The following GDA variants were observed in gnomAD, a reference collection of about 807,000 sequenced individuals.
GDA encodes the protein cytoplasmic PSD-95 interactor.
Under a neutral mutation model 59.6 loss-of-function variants are expected in GDA, and 18 were observed. That is an observed-to-expected ratio of 0.30 (90% CI 0.21 to 0.45). The LOEUF (loss-of-function observed/expected upper bound fraction) is 0.45, where lower values mean the gene tolerates loss of function less well. Ranked by LOEUF, GDA falls within the 20% of genes least tolerant of loss-of-function variation. The pLI, the probability that GDA is intolerant of heterozygous loss-of-function variation, is 1.00. For synonymous variants in GDA, 201 were observed against 201.1 expected (o/e 1.00, Z 0.00); for missense variants, 427 against 552.3 (o/e 0.77, Z 2.27).
intron 4 of GDA, among the ~76,000 whole-genome samples, chr9:72,211,212 T>C (rs1205381193): frequency 1.3e-5 from 2 of 152,216 alleles, no homozygotes; most frequent in Non-Finnish European, 2.9e-5. Flanking sequence ...AAATAGTCTC[T>C]GCCCTTGAGA....
intron 1 of GDA, chr9:72,194,107 C>G (rs10781082): frequency 0.22 from 33,587 of 152,120 alleles, 4,391 homozygotes; most frequent in East Asian, 0.55. Flanking sequence ...CTGGGGACTC[C>G]AGGAGCCTGC....
chr9:72,119,108 A>T (rs1039700636), intron 1 of GDA, among the ~76,000 whole-genome samples: 2 of 152,248 alleles, frequency 1.3e-5, no homozygotes, highest in African/African-American at 4.8e-5. Flanking sequence ...GCCAAAAATT[A>T]TCTATAAAGA....
At chr9:72,138,753 T>A (rs1826336828) in intron 1 of GDA, among the ~76,000 whole-genome samples, 1 of 152,204 alleles carries the variant, frequency 6.6e-6, no homozygotes, top group Non-Finnish European at 1.5e-5. Context: ...CATGACTTTT[T>A]AAAATCTTTC....
intron 10 of GDA, among the ~76,000 whole-genome samples, chr9:72,233,087 T>C (rs1272289200): frequency 6.6e-6 from 1 of 152,178 alleles, no homozygotes; most frequent in East Asian, 1.9e-4. Flanking sequence ...CACCCTCTAC[T>C]CTACTATTTC....
At chr9:72,221,180 C>T (rs565903920) in intron 6 of GDA, among the ~76,000 whole-genome samples, 3 of 152,304 alleles carry the variant, frequency 2.0e-5, no homozygotes, top group Non-Finnish European at 2.9e-5. Context: ...CTCAGGAAGG[C>T]TGTAACCAGC....
Position 72,198,862 on chromosome 9 carries a change from A to ATATATATATATATATATATATATAT in GDA, c.212+3274_212+3275insTATATATATATATATATATATATAT, listed in dbSNP as rs1564025002. Among the ~76,000 whole-genome samples the ATATATATATATATATATATATATAT allele has an allele frequency of 1.1e-3, 103 of 91,758 alleles. 2 individuals carry two copies. The highest frequency in any genetic ancestry group is 3.8e-3 in the African/African-American group (98 of 25,768). The allele number at this position is 91,758 out of a possible 152,430, so 60.2% of individuals were successfully genotyped here. ...ATATAGGGGGATATATATATATATA[A>ATATATATATATATATATATATATAT]AATTTTTTTTGCTCAGGTTATGATA... On this transcript the variant is annotated intron_variant, in intron 2 of 13. Coordinates refer to ENST00000358399, the MANE Select transcript of GDA (RefSeq NM_004293.5).
intron 1 of GDA, among the ~76,000 whole-genome samples, chr9:72,143,853 T>A (rs1473097053): frequency 6.6e-6 from 1 of 152,234 alleles, no homozygotes; most frequent in Non-Finnish European, 1.5e-5. Context: ...TGAGATACGG[T>A]ATTTTTAAAT....
intron 3 of GDA, among the ~76,000 whole-genome samples, chr9:72,209,408 TC>T (rs1415418273): frequency 6.6e-6 from 1 of 152,158 alleles, no homozygotes; most frequent in Non-Finnish European, 1.5e-5. Flanking sequence ...CCTACTGGCT[TC>T]CACATTTCAT....
At chr9:72,206,547 C>T (rs142663133) in intron 3 of GDA, among the ~76,000 whole-genome samples, 95 of 152,084 alleles carry the variant, frequency 6.2e-4, no homozygotes, top group African/African-American at 1.9e-3. Context: ...CCTAGGCGGA[C>T]GGATCACCTG....
intron 1 of GDA, among the ~76,000 whole-genome samples, chr9:72,164,432 G>A (rs1397208878): frequency 6.6e-6 from 1 of 152,148 alleles, no homozygotes; most frequent in African/African-American, 2.4e-5. Flanking sequence ...ACCCTAGGAA[G>A]CTTATTTCAG....
intron 1 of GDA, among the ~76,000 whole-genome samples, chr9:72,125,337 T>TCCCC (rs1564146668): frequency 2.0e-5 from 2 of 97,644 alleles, no homozygotes; most frequent in Admixed American, 1.2e-4. Context: ...CCTCCCTCCC[T>TCCCC]CCCTTCCTTC....
chr9:72,149,243 C>T (rs1826837173), upstream of GDA: 1 of 356,184 alleles, frequency 2.8e-6, no homozygotes. Flanking sequence ...ATCTTCTGAG[C>T]CTCAGCTGTG....
In GDA at chr9:72,251,006, G is replaced by A. The variant is rs1840623584; in HGVS notation, c.*2664G>A. ...GAAAGGTTGTCCTAAACAGACCAAG[G>A]AGACTGTTCCCTAATTTATTCTCTT... On this transcript the variant is annotated 3_prime_UTR_variant, in exon 14 of 14. Coordinates refer to ENST00000358399, the MANE Select transcript of GDA (RefSeq NM_004293.5). The A allele has an allele frequency of 4.6e-5, 27 of 584,448 alleles. No homozygotes were observed. In the East Asian group the frequency reaches 7.6e-4, roughly 16 times the overall value. 36.2% of individuals were successfully genotyped at this position (584,448 alleles called of 1,614,324 possible). A position where few individuals can be genotyped will look rare whatever the true frequency, so the allele number is the denominator to read the frequency against.
intron 1 of GDA, among the ~76,000 whole-genome samples, chr9:72,189,978 C>G (rs1832335210): frequency 6.6e-6 from 1 of 152,116 alleles, no homozygotes; most frequent in South Asian, 2.1e-4. Flanking sequence ...GCCATTGTAA[C>G]AGTATTAAGA....
chr9:72,149,789 G>A, intron 1 of GDA, 107 bp downstream of exon 1: 2 of 1,173,110 alleles, frequency 1.7e-6, no homozygotes, highest in Non-Finnish European at 2.3e-6. Flanking sequence ...CGCAGTGAGC[G>A]CCGCGGCTCC....
rs569282857 is a variant in GDA at position 72,157,105 on chromosome 9, T to C, written c.123+7423T>C. On this transcript the variant is annotated intron_variant, in intron 1 of 13. Coordinates refer to ENST00000358399, the MANE Select transcript of GDA (RefSeq NM_004293.5). ...CCTAGGCTGGGGTGCAGTGGCGCGA[T>C]CTTAGCTCACTGCAACATCCGCCTC... 4.1e-5 allele frequency among the ~76,000 whole-genome samples: 6 copies of C among 147,300 alleles called. No homozygotes were observed. The East Asian group carries it at 1.3e-3, about 31-fold the overall frequency.
intron 1 of GDA, among the ~76,000 whole-genome samples, chr9:72,186,851 T>A (rs1208278757): frequency 6.6e-6 from 1 of 152,184 alleles, no homozygotes; most frequent in Admixed American, 6.5e-5. Flanking sequence ...AAGTTCTGCC[T>A]TTTCTTTGAA....
chr9:72,148,118 C>T (rs1216001768), upstream of GDA, among the ~76,000 whole-genome samples: 2 of 152,146 alleles, frequency 1.3e-5, no homozygotes, highest in Non-Finnish European at 2.9e-5. Flanking sequence ...CAGAGAAAAA[C>T]TGCTCACACA....
chr9:72,145,014 C>T (rs1366578197), upstream of GDA, among the ~76,000 whole-genome samples: 1 of 151,794 alleles, frequency 6.6e-6, no homozygotes, highest in African/African-American at 2.4e-5. Context: ...GCATTTATTT[C>T]ACTGTACAAT....
Sources: gnomAD v4.1 joint callset for allele counts (sites outside exome capture counted in the v4.1 genomes callset) on GRCh38, gnomAD v4.1.1 for gene constraint, MANE v1.5 for transcripts, NCBI Gene and HGNC (gene_info 2026-07-23, HGNC 2026-07-21) for gene names.